The following NRG3 variants were observed in gnomAD, a reference collection of about 807,000 sequenced individuals.
NRG3 encodes pro-neuregulin-3, membrane-bound isoform.
A neutral mutation model predicts 66.9 loss-of-function variants in NRG3; 31 were observed. The observed-to-expected ratio is 0.46, with a 90% CI of 0.35 to 0.63. The LOEUF is 0.63. NRG3 is among the 20% of genes least tolerant of loss of function. The probability of loss-of-function intolerance (pLI) is 0.00; values close to 1 mark genes in which losing one functional copy is unlikely to be tolerated. For synonymous variants in NRG3, 393 were observed against 359.4 expected, an observed-to-expected ratio of 1.09 and a Z score of -1.06; for missense variants, 910 against 878.9, an observed-to-expected ratio of 1.04 and a Z score of -0.45.
intron 1 of NRG3, among the ~76,000 whole-genome samples, chr10:81,884,182 C>T (rs1204209672): frequency 1.3e-5 from 2 of 152,170 alleles, no homozygotes; most frequent in Non-Finnish European, 2.9e-5. Flanking sequence ...TCTTACTTAC[C>T]TAATTCACTG....
chr10:82,752,027 T>A (rs1413747453), intron 3 of NRG3, among the ~76,000 whole-genome samples: 1 of 152,134 alleles, frequency 6.6e-6, no homozygotes, highest in African/African-American at 2.4e-5. Flanking sequence ...CAGGTAATTT[T>A]GATTGAATGA....
intron 1 of NRG3, among the ~76,000 whole-genome samples, chr10:81,886,658 T>G (rs1281612678): frequency 6.6e-6 from 1 of 152,172 alleles, no homozygotes; most frequent in Non-Finnish European, 1.5e-5. Context: ...ACCAAATATT[T>G]GGCAAGTGAA....
intron 6 of NRG3, among the ~76,000 whole-genome samples, chr10:82,967,613 T>G (rs947766821): frequency 6.6e-6 from 1 of 152,178 alleles, no homozygotes; most frequent in African/African-American, 2.4e-5. Context: ...TTTTTTCCTC[T>G]CTTACGTGAG....
rs549885418 is a variant in NRG3, at chr10:82,853,422, G to A, written c.1028-11989G>A. Among the ~76,000 whole-genome samples, 23 of 152,324 alleles carry A rather than the reference G, an allele frequency of 1.5e-4. No individual in the cohort carries two copies. The South Asian group carries it at 2.9e-3, about 19-fold the overall frequency. ...CACAATATTGATTCTACCCATCCAT[G>A]AGCATGGGATGTGTTTCCATTTGTT... On this transcript the variant is annotated intron_variant, in intron 3 of 8. Coordinates refer to ENST00000372141, the MANE Select transcript of NRG3 (RefSeq NM_001010848.4).
chr10:81,904,032 G>A (rs999030870), intron 1 of NRG3, among the ~76,000 whole-genome samples: 2 of 149,018 alleles, frequency 1.3e-5, no homozygotes, highest in African/African-American at 4.9e-5. Flanking sequence ...TTTTGGAGAC[G>A]AAGTTTCACT....
intron 1 of NRG3, among the ~76,000 whole-genome samples, chr10:82,132,481 T>TC (rs1564593361): frequency 0.015 from 111 of 7,220 alleles, 4 homozygotes; most frequent in African/African-American, 0.079. Context: ...ATATATATGA[T>TC]ATATATATAT....
intron 2 of NRG3, among the ~76,000 whole-genome samples, chr10:82,443,409 T>C (rs1052415662): frequency 2.6e-5 from 4 of 152,224 alleles, no homozygotes; most frequent in Non-Finnish European, 2.9e-5. Flanking sequence ...ATAGTCCTTT[T>C]GGGCGCTAGA....
At chr10:82,570,926 G>A (rs1021168182) in intron 2 of NRG3, among the ~76,000 whole-genome samples, 2 of 151,496 alleles carry the variant, frequency 1.3e-5, no homozygotes, top group Non-Finnish European at 3.0e-5. Flanking sequence ...CTCAAACCTG[G>A]AAAATTTCAG....
intron 2 of NRG3, among the ~76,000 whole-genome samples, chr10:82,588,533 C>T (rs953900724): frequency 9.9e-5 from 15 of 151,832 alleles, no homozygotes; most frequent in African/African-American, 3.4e-4. Context: ...GATGGAGTCT[C>T]GCTCTGTCGC....
intron 3 of NRG3, among the ~76,000 whole-genome samples, chr10:82,864,875 A>G (rs1464949294): frequency 1.3e-5 from 2 of 152,202 alleles, no homozygotes; most frequent in Non-Finnish European, 2.9e-5. Context: ...ACTGAAGCAC[A>G]GTTTTCTCAT....
intron 8 of NRG3, chr10:82,984,855 G>C: frequency 6.7e-7 from 1 of 1,494,230 alleles, no homozygotes; most frequent in South Asian, 1.2e-5. Flanking sequence ...TGGACTTAAA[G>C]TAAGAAGATC....
chr10:82,088,670 A>G (rs146764043), intron 1 of NRG3, among the ~76,000 whole-genome samples: 163 of 152,246 alleles, frequency 1.1e-3, no homozygotes, highest in African/African-American at 3.7e-3. Context: ...GTATATGACT[A>G]TACAAAGTTT....
chr10:82,292,369 G>A (rs1211338698), intron 1 of NRG3, among the ~76,000 whole-genome samples: 3 of 152,090 alleles, frequency 2.0e-5, no homozygotes, highest in African/African-American at 7.2e-5. Flanking sequence ...CTGGACCTCT[G>A]AAACATGGCT....
intron 2 of NRG3, among the ~76,000 whole-genome samples, chr10:82,608,932 A>G (rs2048133915): frequency 6.6e-6 from 1 of 152,126 alleles, no homozygotes; most frequent in African/African-American, 2.4e-5. Flanking sequence ...TTAACTCTCA[A>G]GCTTGTCCAT....
At chr10:82,390,708 A>C (rs745966788) in intron 2 of NRG3, among the ~76,000 whole-genome samples, 4 of 152,196 alleles carry the variant, frequency 2.6e-5, no homozygotes, top group Admixed American at 6.5e-5. Context: ...GTAACTCTCT[A>C]GGAAATAAAA....
intron 1 of NRG3, among the ~76,000 whole-genome samples, chr10:82,089,309 C>T (rs1031503220): frequency 6.6e-6 from 1 of 152,042 alleles, no homozygotes; most frequent in African/African-American, 2.4e-5. Context: ...TTTTTTTCTG[C>T]TTTAAGCTTC....
intron 1 of NRG3, among the ~76,000 whole-genome samples, chr10:82,302,027 TTA>T (rs1801938116): frequency 6.6e-6 from 1 of 152,030 alleles, no homozygotes; most frequent in Admixed American, 6.6e-5. Flanking sequence ...TCTGTTTATT[TTA>T]TGTTATACTT....
chr10:82,499,051 G>A (rs537822179), intron 2 of NRG3, among the ~76,000 whole-genome samples: 14 of 152,252 alleles, frequency 9.2e-5, no homozygotes, highest in Admixed American at 9.2e-4. Flanking sequence ...ATTTGAAAAG[G>A]AAATGCCATT....
chr10:82,472,971 G>A (rs939850607), intron 2 of NRG3, among the ~76,000 whole-genome samples: 5 of 152,160 alleles, frequency 3.3e-5, no homozygotes, highest in Admixed American at 2.6e-4. Context: ...GTAGGAAAGT[G>A]GTGCTCATTT....
Sources: gnomAD v4.1 joint callset for allele counts (sites outside exome capture counted in the v4.1 genomes callset) on GRCh38, gnomAD v4.1.1 for gene constraint, MANE v1.5 for transcripts, NCBI Gene and HGNC (gene_info 2026-07-23, HGNC 2026-07-21) for gene names.